The following BCL7A variants were observed in gnomAD, a reference collection of about 807,000 sequenced individuals.
BCL7A encodes B-cell CLL/lymphoma 7 protein family member A.
In BCL7A, 11 loss-of-function variants were observed where a neutral mutation model predicts 28.4. That is an observed-to-expected ratio of 0.39 (90% confidence interval 0.24 to 0.64). The LOEUF (loss-of-function observed/expected upper bound fraction) is 0.64. BCL7A is among the 30% of genes least tolerant of loss of function. The pLI is 0.50. For missense variants in BCL7A, 222 were observed against 274.8 expected (o/e 0.81, Z 1.36); for synonymous variants, 123 against 103.3 (o/e 1.19, Z -1.15).
intron 5 of BCL7A, among the ~76,000 whole-genome samples, chr12:122,057,628 A>G (rs1194184772): frequency 6.6e-6 from 1 of 152,158 alleles, no homozygotes; most frequent in East Asian, 1.9e-4. Context: ...GGCTGCGGTC[A>G]GGAGTTTGGT....
chr12:122,032,372 C>CTT (rs1250803973), intron 2 of BCL7A, among the ~76,000 whole-genome samples: 4 of 152,362 alleles, frequency 2.6e-5, no homozygotes, highest in African/African-American at 9.6e-5. Flanking sequence ...CAGTTCCTGG[C>CTT]TCCGGCCCAT....
intron 4 of BCL7A, among the ~76,000 whole-genome samples, chr12:122,052,380 T>TA (rs1382656756): frequency 6.6e-6 from 1 of 152,154 alleles, no homozygotes. Context: ...TTAACCAGGT[T>TA]AAGTGAATAA....
chr12:122,036,094 G>A (rs11043294), intron 3 of BCL7A, among the ~76,000 whole-genome samples: 64,379 of 151,894 alleles, frequency 0.42, 15,316 homozygotes, highest in Non-Finnish European at 0.56. Context: ...GCCCGCCACG[G>A]CCTCCCAAAG....
intron 4 of BCL7A, among the ~76,000 whole-genome samples, chr12:122,052,834 C>T (rs1346483927): frequency 7.4e-6 from 1 of 135,708 alleles, no homozygotes; most frequent in Non-Finnish European, 1.5e-5. Context: ...AGGCGCGCGA[C>T]ACCACGCCTG....
intron 1 of BCL7A, among the ~76,000 whole-genome samples, chr12:122,026,266 CAAAAA>C (rs78577517): frequency 2.0e-5 from 1 of 49,458 alleles, no homozygotes. Flanking sequence ...GACTCCGTCT[CAAAAA>C]AAAAAAAAAA....
chr12:122,032,788 G>A (rs1883771198), intron 2 of BCL7A, among the ~76,000 whole-genome samples: 1 of 152,124 alleles, frequency 6.6e-6, no homozygotes, highest in Non-Finnish European at 1.5e-5. Flanking sequence ...TGTGCAGACG[G>A]TGCCGAGAAA....
At chr12:122,023,040 G>T (rs1175932556) in intron 1 of BCL7A, among the ~76,000 whole-genome samples, 1 of 152,156 alleles carries the variant, frequency 6.6e-6, no homozygotes, top group Non-Finnish European at 1.5e-5. Context: ...GGGAGAGGGG[G>T]ACTTGGTGGC....
Position 122,061,532 on chromosome 12 carries a change from G to A in BCL7A, c.*2369G>A, listed in dbSNP as rs1190583250. ...AATCCGATGTGCTTCCTTCCCTGGCGCAGTCGCTCCTCGAGCCGCTGCCCC... is the reference window on the plus strand; with the variant it reads ...AATCCGATGTGCTTCCTTCCCTGGCACAGTCGCTCCTCGAGCCGCTGCCCC... On this transcript the variant is annotated 3_prime_UTR_variant, in exon 6 of 6. Coordinates refer to ENST00000261822, the MANE Select transcript of BCL7A (RefSeq NM_001024808.3). The A allele has an allele frequency of 2.6e-5, 6 of 232,202 alleles. No homozygotes were observed. The highest frequency in any genetic ancestry group is 1.8e-4 in the East Asian group (3 of 16,474). The allele number at this position is 232,202 out of a possible 1,614,324, so 14.4% of individuals were successfully genotyped here.
intron 5 of BCL7A, among the ~76,000 whole-genome samples, chr12:122,055,378 G>C (rs908096427): frequency 2.0e-5 from 3 of 152,208 alleles, no homozygotes; most frequent in African/African-American, 7.2e-5. Context: ...ATCACTCTGT[G>C]TTGGAATCTG....
chr12:122,022,770 C>T (rs571482036), intron 1 of BCL7A, among the ~76,000 whole-genome samples: 55 of 151,220 alleles, frequency 3.6e-4, no homozygotes, highest in Admixed American at 9.9e-4. Flanking sequence ...GAGCGCGAGC[C>T]GTTTAAATTT....
chr12:122,059,362 C>G lies in BCL7A; in HGVS notation c.*199C>G. 7.3e-6 allele frequency: 4 copies of G among 551,654 alleles called. No individual in the cohort carries two copies. The highest frequency in any genetic ancestry group is 1.3e-5 in the Non-Finnish European group (4 of 308,394). The allele number at this position is 551,654 out of a possible 1,614,324, so 34.2% of individuals were successfully genotyped here. A position where few individuals can be genotyped will look rare whatever the true frequency, so the allele number is the denominator to read the frequency against. ...GAACTCTGCTGTGAAGCAAAACACT[C>G]AAACCTTTAAGGGACTGTCCTTGGG... On this transcript the variant is annotated 3_prime_UTR_variant, in exon 6 of 6. Coordinates refer to ENST00000261822, the MANE Select transcript of BCL7A (RefSeq NM_001024808.3). This position sits in a 1 kb window ranked among gnomAD's most constrained non-coding sequence, Gnocchi z 4.0.
At chr12:122,022,993 T>G (rs1883505793) in intron 1 of BCL7A, among the ~76,000 whole-genome samples, 1 of 152,194 alleles carries the variant, frequency 6.6e-6, no homozygotes, top group Non-Finnish European at 1.5e-5. Flanking sequence ...TCGTGTTTGT[T>G]TTGCGGAGGG....
intron 1 of BCL7A, among the ~76,000 whole-genome samples, chr12:122,027,463 C>T (rs1883652123): frequency 6.6e-6 from 1 of 152,048 alleles, no homozygotes; most frequent in Admixed American, 6.6e-5. Context: ...TCACTTGAGC[C>T]CAGGAGGTCG....
At chr12:122,052,673 GTTTTGTT>G (rs1218979290) in intron 4 of BCL7A, among the ~76,000 whole-genome samples, 1 of 151,596 alleles carries the variant, frequency 6.6e-6, no homozygotes. Context: ...TTTTTTTATT[GTTTTGTT>G]TTTTGTTTTG....
rs1320897591 is a variant in BCL7A at position 122,060,488 on chromosome 12, C to T, written c.*1325C>T. The T allele has an allele frequency of 1.0e-4, 24 of 229,204 alleles. No homozygotes were observed. The highest frequency in any genetic ancestry group is 1.1e-4 in the Admixed American group (2 of 17,642). The allele number at this position is 229,204 out of a possible 1,614,324, so 14.2% of individuals were successfully genotyped here. A position where few individuals can be genotyped will look rare whatever the true frequency, so the allele number is the denominator to read the frequency against. On this transcript the variant is annotated 3_prime_UTR_variant, in exon 6 of 6. Transcript: ENST00000261822. ...GCTGGAACAGCTTCCTCTCACTGAA[C>T]GGAGACGCCCCCTTGGACGAACTGC... is the stretch of plus-strand genomic sequence containing the variant.
intron 3 of BCL7A, among the ~76,000 whole-genome samples, chr12:122,036,626 G>A (rs1342639502): frequency 6.7e-6 from 1 of 148,462 alleles, no homozygotes. Flanking sequence ...AACGTTCCGA[G>A]CTAGTCCCCA....
Position 122,061,551 on chromosome 12 carries a change from C to CGGGGGGGGG in BCL7A, c.*2388_*2389insGGGGGGGGG. The CGGGGGGGGG allele has an allele frequency of 4.4e-6, 1 of 224,780 alleles. No homozygotes were observed. 13.9% of individuals were successfully genotyped at this position (224,780 alleles called of 1,614,324 possible). On this transcript the variant is annotated 3_prime_UTR_variant, in exon 6 of 6. Coordinates refer to ENST00000261822, the MANE Select transcript of BCL7A (RefSeq NM_001024808.3). ...CCTGGCGCAGTCGCTCCTCGAGCCG[C>CGGGGGGGGG]TGCCCCCCACCCACCCTGCACCCCT...
intron 4 of BCL7A, among the ~76,000 whole-genome samples, chr12:122,049,527 C>T (rs1884149060): frequency 6.6e-6 from 1 of 151,942 alleles, no homozygotes; most frequent in Non-Finnish European, 1.5e-5. Context: ...ACTAAAAATA[C>T]AAAAAATAGC....
At position 122,043,773 on chromosome 12, in the gene BCL7A, A is replaced by G. The variant is rs544076987; in HGVS notation, c.272-113A>G. ...AACGGTAACCAGACCCCTCCCCGGG[A>G]GAGCTGCCATGGGGTTCCGGGCATT... On this transcript the variant is annotated intron_variant, in intron 3 of 5. Coordinates refer to ENST00000261822, the MANE Select transcript of BCL7A (RefSeq NM_001024808.3). 2,851 of 1,075,036 alleles carry G rather than the reference A, an allele frequency of 2.7e-3. 9 individuals are homozygous for G. The highest frequency in any genetic ancestry group is 3.0e-3 in the Non-Finnish European group (2,331 of 779,798). The allele number at this position is 1,075,036 out of a possible 1,614,324, so 66.6% of individuals were successfully genotyped here. A position where few individuals can be genotyped will look rare whatever the true frequency, so the allele number is the denominator to read the frequency against.
Sources: gnomAD v4.1 joint callset for allele counts (sites outside exome capture counted in the v4.1 genomes callset) on GRCh38, gnomAD v4.1.1 for gene constraint, Gnocchi (gnomAD v3.1) non-coding constraint, MANE v1.5 for transcripts, NCBI Gene and HGNC (gene_info 2026-07-23, HGNC 2026-07-21) for gene names.